The following CEP112 variants were observed in gnomAD, a reference collection of about 807,000 sequenced individuals.
CEP112 encodes the protein centrosomal protein of 112 kDa.
Under a neutral mutation model 153.0 loss-of-function variants are expected in CEP112, and 127 were observed. The observed-to-expected ratio is 0.83, with a 90% confidence interval of 0.72 to 0.96. CEP112 has a LOEUF of 0.96. CEP112 is among the 40% of genes least tolerant of loss of function. CEP112 has a pLI of 0.00. For missense variants in CEP112, 1,089 were observed against 1,101.2 expected (o/e 0.99, Z 0.16); for synonymous variants, 358 against 374.4 (o/e 0.96, Z 0.51).
At chr17:65,988,914 G>A (rs1193037487) in intron 17 of CEP112, among the ~76,000 whole-genome samples, 1 of 151,908 alleles carries the variant, frequency 6.6e-6, no homozygotes, top group Non-Finnish European at 1.5e-5. Flanking sequence ...AAATGTCCAG[G>A]TACAAGAAGG....
chr17:65,972,996 C>A (rs1235936759), intron 17 of CEP112, among the ~76,000 whole-genome samples: 1 of 152,212 alleles, frequency 6.6e-6, no homozygotes, highest in Non-Finnish European at 1.5e-5. Flanking sequence ...GAACTCCTGA[C>A]CTCAGGTGAT....
At chr17:65,857,731 T>C (rs1165060217) in intron 20 of CEP112, among the ~76,000 whole-genome samples, 2 of 152,162 alleles carry the variant, frequency 1.3e-5, no homozygotes, top group Non-Finnish European at 2.9e-5. Flanking sequence ...CCTTGGCATA[T>C]TTTTAAATTG....
At chr17:65,989,493 C>G in intron 17 of CEP112, among the ~76,000 whole-genome samples, 1 of 147,490 alleles carries the variant, frequency 6.8e-6, no homozygotes, top group African/African-American at 2.5e-5. Context: ...AAAAAACTGT[C>G]ATACAAAAAT....
chr17:66,164,576 T>C (rs1294821256), intron 4 of CEP112, among the ~76,000 whole-genome samples: 1 of 82,332 alleles, frequency 1.2e-5, no homozygotes, highest in African/African-American at 4.9e-5. Flanking sequence ...AAAAAAAAAA[T>C]GGCCAGCATG....
At chr17:65,665,666 GCTTT>G (rs2046656272) in intron 24 of CEP112, among the ~76,000 whole-genome samples, 1 of 152,110 alleles carries the variant, frequency 6.6e-6, no homozygotes, top group Non-Finnish European at 1.5e-5. Context: ...AGAATAATTG[GCTTT>G]TGGTCACATA....
chr17:65,946,960 G>T (rs1310843664), intron 18 of CEP112, among the ~76,000 whole-genome samples: 3 of 151,932 alleles, frequency 2.0e-5, no homozygotes, highest in Non-Finnish European at 1.5e-5. Flanking sequence ...ACTATAAATG[G>T]CATCTTCTTC....
intron 20 of CEP112, among the ~76,000 whole-genome samples, chr17:65,898,008 G>A (rs2059716184): frequency 1.3e-5 from 2 of 152,034 alleles, no homozygotes; most frequent in Non-Finnish European, 2.9e-5. Context: ...GGCAAGCGCA[G>A]AGCTAAAATT....
intron 4 of CEP112, among the ~76,000 whole-genome samples, chr17:66,145,382 TAGTTCAGTTTGTAA>T (rs1391112638): frequency 6.6e-6 from 1 of 152,182 alleles, no homozygotes; most frequent in Non-Finnish European, 1.5e-5. Flanking sequence ...AAGGTTTAGA[TAGTTCAGTTTGTAA>T]ATTTTTTCTT....
chr17:65,736,805 T>C (rs1397884947), intron 23 of CEP112, among the ~76,000 whole-genome samples: 2 of 152,190 alleles, frequency 1.3e-5, no homozygotes, highest in Non-Finnish European at 2.9e-5. Flanking sequence ...CAGGGATTTC[T>C]TTCAACCCAT....
chr17:65,911,659 TC>T (rs1326318983), intron 19 of CEP112, among the ~76,000 whole-genome samples: 1 of 152,030 alleles, frequency 6.6e-6, no homozygotes, highest in Admixed American at 6.6e-5. Context: ...CAAGACCCTA[TC>T]TCTATAAAAA....
rs1253454395 is a variant in CEP112, at chr17:65,815,680, A to G, written c.2394+36124T>C. 3.9e-5 allele frequency among the ~76,000 whole-genome samples: 6 copies of G among 152,194 alleles called. No individual in the cohort carries two copies. The East Asian group carries it at 1.2e-3, about 29-fold the overall frequency. ...AATTACATCTTTACTTTATGCCACA[A>G]AAGTTTAGTTGTCAGCACACAGATC... On this transcript the variant is annotated intron_variant, in intron 21 of 26. Transcript: ENST00000535342.
At chr17:66,095,289 T>TAC (rs964428901) in intron 8 of CEP112, among the ~76,000 whole-genome samples, 17 of 151,392 alleles carry the variant, frequency 1.1e-4, no homozygotes, top group African/African-American at 3.1e-4. Context: ...TATATACACA[T>TAC]ACACACACAC....
At chr17:65,906,973 G>A (rs2060107527) in intron 19 of CEP112, among the ~76,000 whole-genome samples, 1 of 152,248 alleles carries the variant, frequency 6.6e-6, no homozygotes, top group South Asian at 2.1e-4. Context: ...ATGGGAGGTA[G>A]AAAGTTCTAT....
chr17:65,683,317 C>T (rs2047619330), intron 24 of CEP112, among the ~76,000 whole-genome samples: 1 of 152,212 alleles, frequency 6.6e-6, no homozygotes, highest in Admixed American at 6.5e-5. Context: ...TGACTTTTAG[C>T]TATTTTAAAA....
chr17:65,695,453 GC>G (rs943582109), intron 23 of CEP112, among the ~76,000 whole-genome samples: 2 of 152,252 alleles, frequency 1.3e-5, no homozygotes, highest in African/African-American at 4.8e-5. Context: ...TTCAGCTCAA[GC>G]CACTCCTTAA....
At chr17:65,673,037 G>A (rs2047062113) in intron 24 of CEP112, among the ~76,000 whole-genome samples, 1 of 152,242 alleles carries the variant, frequency 6.6e-6, no homozygotes, top group Non-Finnish European at 1.5e-5. Flanking sequence ...GAAGTTTGAG[G>A]GAGCTCAGCT....
At chr17:65,918,041 G>A (rs981283844) in intron 19 of CEP112, among the ~76,000 whole-genome samples, 14 of 152,078 alleles carry the variant, frequency 9.2e-5, no homozygotes, top group East Asian at 3.9e-4. Context: ...TTAGCCAGGC[G>A]TGGTGGCGTG....
intron 12 of CEP112, among the ~76,000 whole-genome samples, chr17:66,031,776 T>C (rs1598169022): frequency 6.6e-6 from 1 of 152,066 alleles, no homozygotes; most frequent in Non-Finnish European, 1.5e-5. Flanking sequence ...ATTTAATTAG[T>C]AGGAAAGCAC....
intron 8 of CEP112, among the ~76,000 whole-genome samples, chr17:66,079,626 T>A (rs1179009682): frequency 1.3e-5 from 2 of 152,166 alleles, no homozygotes; most frequent in African/African-American, 4.8e-5. Context: ...AAGCTACCAT[T>A]GACTTTTTTT....
Sources: gnomAD v4.1 joint callset for allele counts (sites outside exome capture counted in the v4.1 genomes callset) on GRCh38, gnomAD v4.1.1 for gene constraint, MANE v1.5 for transcripts, NCBI Gene and HGNC (gene_info 2026-07-23, HGNC 2026-07-21) for gene names.